TTN: variants seen among roughly 807,000 people sequenced by gnomAD.
TTN encodes the protein titin.
A neutral mutation model predicts 3,223.0 loss-of-function variants in TTN; 1,525 were observed. That is an observed-to-expected ratio of 0.47 (90% CI 0.45 to 0.49). The LOEUF (loss-of-function observed/expected upper bound fraction) is 0.49. TTN is among the 20% of genes least tolerant of loss of function. The pLI, the probability that TTN is intolerant of heterozygous loss-of-function variation, is 0.00. For synonymous variants in TTN, 14,094 were observed against 15,161.0 expected (o/e 0.93, Z 5.17); for missense variants, 40,786 against 43,424.0 (o/e 0.94, Z 5.40).
rs1294242314 is a variant in TTN at position 178,684,071 on chromosome 2, G to C, written c.32734C>G (p.Pro10912Ala). The C allele has an allele frequency of 1.2e-6, 2 of 1,610,854 alleles. No individual in the cohort carries two copies. Among genetic ancestry groups the C allele is most frequent in the Admixed American group, 1.7e-5 (1 of 59,722 alleles). Reference protein sequence around the residue: ...APPKARVPEEPKRAVPEEKVL... With the variant: ...APPKARVPEEAKRAVPEEKVL... Reference sequence around the variant, plus strand: ...TTTTCTTCTGGGACAGCTCTCTTCGGTTCCTCTGGCACTTTAAAGAGAGAT... The same window carrying C: ...TTTTCTTCTGGGACAGCTCTCTTCGCTTCCTCTGGCACTTTAAAGAGAGAT... Residue 10912 changes from proline to alanine, a missense_variant, in exon 133 of 363, where the codon CCG (proline) becomes GCG (alanine). Physicochemically the swap from Pro to Ala is conservative, Grantham distance 27 (BLOSUM62 -1). Transcript: ENST00000589042.
chr2:178,621,268 G>A lies in TTN; in HGVS notation c.45450C>T (p.Val15150=). The change falls in exon 246 of 363, where the codon GTC becomes GTT. Residue 15150 remains valine (V), a synonymous_variant. Coordinates refer to ENST00000589042, the MANE Select transcript of TTN (RefSeq NM_001267550.2). ...VCSISKESFP[V]QWKRDDKTLE... is the part of the protein sequence containing the mutation. ...GTGTCTTATCATCCCTCTTCCACTG[G>A]ACTGGAAAGCTTTCTTTTGATATAG... 6.2e-7 allele frequency: 1 copy of A among 1,612,120 alleles called. No homozygotes were observed. The highest frequency in any genetic ancestry group is 8.5e-7 in the Non-Finnish European group (1 of 1,179,080).
In TTN at chr2:178,634,697, C is replaced by G; in HGVS notation, c.42151+26G>C. On this transcript the variant is annotated intron_variant, in intron 229 of 362. Transcript: ENST00000589042. This position sits in a 1 kb window ranked among gnomAD's most constrained non-coding sequence, Gnocchi z 4.6. Reference sequence around the variant, plus strand: ...GGGAAGTGAAATAAAGTTGAGACCCCTCCCCAAATTCTAAAAGCCCCATAC... The same window carrying G: ...GGGAAGTGAAATAAAGTTGAGACCCGTCCCCAAATTCTAAAAGCCCCATAC... 1.9e-6 allele frequency: 3 copies of G among 1,612,390 alleles called. No homozygotes were observed. Among genetic ancestry groups the G allele is most frequent in the Non-Finnish European group, 2.5e-6 (3 of 1,179,276 alleles).
At chr2:178,542,976 T>C (rs1355652657) in intron 347 of TTN, 27 bp from the exon 348 acceptor site, 1 of 1,556,942 alleles carries the variant, frequency 6.4e-7, no homozygotes, top group Admixed American at 2.0e-5. Flanking sequence ...AGGCATTTAT[T>C]CTTAAGCATT....
Position 178,633,209 on chromosome 2 carries a change from C to T in TTN, c.43064G>A (p.Gly14355Glu). The change falls in exon 233 of 363, where the codon GGA becomes GAA. Residue 14355 changes from glycine to glutamate, a missense_variant. Transcript: ENST00000589042. ...TACAGGGGAAGCTGTCAAAGGCTGT[C>T]CTTTCAGCTTCCACTGGCCGTGAAC... ...PDVHGQWKLK[G>E]QPLTASPDCE... 6.2e-7 allele frequency: 1 copy of T among 1,612,918 alleles called. No individual in the cohort carries two copies. The highest frequency in any genetic ancestry group is 8.5e-7 in the Non-Finnish European group (1 of 1,179,394).
Position 178,573,054 on chromosome 2 carries a change from C to A in TTN, c.73078G>T (p.Val24360Phe). Residue 24360 changes from valine (V) to phenylalanine (F), a missense_variant, in exon 326 of 363, where the codon GTT becomes TTT. Transcript: ENST00000589042. ...DGGSEITGYM[V>F]EIALPEEDEW... ...TCTTCCTCTGGCAGGGCAATCTCAA[C>A]CATATACCCAGTGATTTCTGAACCA... is the stretch of plus-strand genomic sequence containing the variant. 7 of 1,613,228 alleles carry A rather than the reference C, an allele frequency of 4.3e-6. No individual in the cohort carries two copies. The highest frequency in any genetic ancestry group is 1.1e-5 in the South Asian group (1 of 91,068).
chr2:178,786,357 A>G (rs998281422), intron 13 of TTN, among the ~76,000 whole-genome samples: 1 of 152,230 alleles, frequency 6.6e-6, no homozygotes, highest in East Asian at 1.9e-4. Context: ...ACTTAATTAT[A>G]CTAGACATTA....
At position 178,537,782 on chromosome 2, in the gene TTN, A is replaced by G. The variant is rs1338367198; in HGVS notation, c.99425T>C (p.Ile33142Thr). Residue 33142 changes from isoleucine to threonine, a missense_variant, in exon 355 of 363, where the codon ATA (isoleucine) becomes ACA (threonine). Transcript: ENST00000589042. ...IKWYRFGKEL[I>T]QSRKYKMSSD... is the part of the protein sequence containing the mutation. Reference sequence around the variant, plus strand: ...AGACATTTTGTATTTCCGGCTTTGTATGAGCTCTTTACCAAATCTGTACCA... The same window carrying G: ...AGACATTTTGTATTTCCGGCTTTGTGTGAGCTCTTTACCAAATCTGTACCA... 6.2e-7 allele frequency: 1 copy of G among 1,613,744 alleles called. No individual in the cohort carries two copies. Among genetic ancestry groups the G allele is most frequent in the South Asian group, 1.1e-5 (1 of 91,070 alleles).
In TTN at chr2:178,670,285, C is replaced by T. The variant is rs879029141; in HGVS notation, c.35319G>A (p.Val11773=). 3.4e-6 allele frequency: 5 copies of T among 1,486,724 alleles called. No individual in the cohort carries two copies. The highest frequency in any genetic ancestry group is 4.4e-6 in the Non-Finnish European group (5 of 1,123,778). The allele number at this position is 1,486,724 out of a possible 1,614,324, so 92.1% of individuals were successfully genotyped here. A position where few individuals can be genotyped will look rare whatever the true frequency, so the allele number is the denominator to read the frequency against. ...TTTCTTCTACCACAATTTTCTTAGG[C>T]ACCTCCGGTACTTTAAAGATAATAG... ...RKEPPAKVPE[V]PKKIVVEEKV... is the part of the protein sequence containing the mutation. Residue 11773 remains valine, a synonymous_variant, in exon 157 of 363, where the codon GTG becomes GTA. Transcript: ENST00000589042.
Position 178,740,141 on chromosome 2 carries a change from C to G in TTN, c.13092G>C (p.Val4364=). ...DQIIESKREP[V]AIKKVQEVQG... ...GTACCTCCTGCACTTTCTTTATTGC[C>G]ACGGGCTCTCTTTTAGACTCAATGA... The change falls in exon 48 of 363, where the codon GTG becomes GTC. Residue 4364 remains valine (V), a synonymous_variant. Transcript: ENST00000589042. The G allele has an allele frequency of 6.2e-7, 1 of 1,613,762 alleles. No homozygotes were observed. Among genetic ancestry groups the G allele is most frequent in the Non-Finnish European group, 8.5e-7 (1 of 1,179,816 alleles).
At chr2:178,744,623 A>G in intron 47 of TTN, 1 of 944,060 alleles carries the variant, frequency 1.1e-6, no homozygotes, top group Non-Finnish European at 1.3e-6. Flanking sequence ...AAAGCTTGTT[A>G]TCTTGTTATT....
Position 178,603,874 on chromosome 2 carries a change from A to T in TTN, c.54811+2T>A. Reference sequence around the variant, plus strand: ...AGTCCCCAGAAACGGAAGCATACTTACATATGGGATCTCCTGCAACCTCTG... The same window carrying T: ...AGTCCCCAGAAACGGAAGCATACTTTCATATGGGATCTCCTGCAACCTCTG... On this transcript the variant is annotated splice_donor_variant, in intron 282 of 362. Coordinates refer to ENST00000589042, the MANE Select transcript of TTN (RefSeq NM_001267550.2). LOFTEE classifies it high-confidence loss of function. 6.4e-7 allele frequency: 1 copy of T among 1,561,254 alleles called. No homozygotes were observed. The highest frequency in any genetic ancestry group is 8.7e-7 in the Non-Finnish European group (1 of 1,144,788).
rs529418633 is a variant in TTN, at chr2:178,614,923, G to A, written c.48684C>T (p.Arg16228=). The change falls in exon 260 of 363, where the codon CGC becomes CGT. Residue 16228 remains arginine, a synonymous_variant. Coordinates refer to ENST00000589042, the MANE Select transcript of TTN (RefSeq NM_001267550.2). ...GLEEGKWYAY[R]VKALNRQGAS... ...CACCCTGCCTGTTTAAGGCCTTCACGCGGTAGGCATACCATTTGCCTTCCT... is the reference window on the plus strand; with the variant it reads ...CACCCTGCCTGTTTAAGGCCTTCACACGGTAGGCATACCATTTGCCTTCCT... 33 of 1,593,050 alleles carry A rather than the reference G, an allele frequency of 2.1e-5. No homozygotes were observed. The highest frequency in any genetic ancestry group is 8.0e-5 in the African/African-American group (6 of 74,694).
At chr2:178,709,429 T>C in intron 99 of TTN, 137 bp downstream of exon 99, 2 of 842,886 alleles carry the variant, frequency 2.4e-6, no homozygotes, top group Non-Finnish European at 3.4e-6. Flanking sequence ...ACATATGGAG[T>C]GATAAATACA....
intron 359 of TTN, chr2:178,529,434 A>G (rs1408688782): frequency 1.3e-5 from 5 of 399,232 alleles, no homozygotes; most frequent in Non-Finnish European, 2.2e-5. Flanking sequence ...AAACTGAGCC[A>G]AAGATGATTC....
rs1311507525 is a variant in TTN, at chr2:178,566,607, C to T, written c.79525G>A (p.Gly26509Ser). ...CTGCCGCCATCATAGATGGGTTTAC[C>T]CCAGGCAAGTGTGATTGAATTTTTA... ...TTKNSITLAWGKPIYDGGSEI... is the reference protein window; with the variant it reads ...TTKNSITLAWSKPIYDGGSEI... Residue 26509 changes from glycine (G) to serine (S), a missense_variant, in exon 326 of 363, where the codon GGT becomes AGT. Physicochemically the swap from Gly to Ser is moderately conservative, Grantham distance 56. Coordinates refer to ENST00000589042, the MANE Select transcript of TTN (RefSeq NM_001267550.2). 17 of 1,612,392 alleles carry T rather than the reference C, an allele frequency of 1.1e-5. No individual in the cohort carries two copies. The highest frequency in any genetic ancestry group is 1.4e-5 in the Non-Finnish European group (17 of 1,179,650).
Position 178,666,862 on chromosome 2 carries a change from G to T in TTN, c.35837C>A (p.Thr11946Asn). Residue 11946 changes from threonine (T) to asparagine (N), a missense_variant, in exon 163 of 363, where the codon ACT becomes AAT. Physicochemically the swap from Thr to Asn is moderately conservative, Grantham distance 65. Coordinates refer to ENST00000589042, the MANE Select transcript of TTN (RefSeq NM_001267550.2). ...TGTTTTTCTTCTTTTAACAATAGGA[G>T]TTTCTCCCTCTGGAATGACTTCCTT... The part of the protein sequence containing the change: ...VFKEVIPEGE[T>N]PIVKRRKTPS... 1 of 1,572,098 alleles carries T rather than the reference G, an allele frequency of 6.4e-7. No individual in the cohort carries two copies. Among genetic ancestry groups the T allele is most frequent in the East Asian group, 2.3e-5 (1 of 43,418 alleles).
Position 178,767,997 on chromosome 2 carries a change from A to G in TTN, c.9305+17T>C, listed in dbSNP as rs1553990405. ...AAACTGGGAATTACTGGAATGTAGC[A>G]AGACAAAACAACTGACCTGTCTGTG... On this transcript the variant is annotated intron_variant, in intron 39 of 362. Transcript: ENST00000589042. The G allele has an allele frequency of 6.2e-7, 1 of 1,614,118 alleles. No homozygotes were observed. The highest frequency in any genetic ancestry group is 8.5e-7 in the Non-Finnish European group (1 of 1,179,992).
rs769942168 is a variant in TTN, at chr2:178,561,461, A to G, written c.84671T>C (p.Met28224Thr). The G allele has an allele frequency of 6.2e-6, 10 of 1,613,696 alleles. No individual in the cohort carries two copies. The highest frequency in any genetic ancestry group is 1.3e-5 in the African/African-American group (1 of 74,936). Reference protein sequence around the residue: ...MKVSGLDEGLMYEYRVYAENI... With the variant: ...MKVSGLDEGLTYEYRVYAENI... ...TTCAGCATATACACGATACTCATAC[A>G]TCAGTCCTTCATCAAGGCCGGAGAC... The change falls in exon 326 of 363, where the codon ATG (methionine) becomes ACG (threonine). Residue 28224 changes from methionine to threonine, a missense_variant. Met to Thr is a moderately conservative substitution (Grantham distance 81). Transcript: ENST00000589042.
At chr2:178,718,276 G>T in intron 85 of TTN, 46 bp downstream of exon 85, 1 of 1,597,400 alleles carries the variant, frequency 6.3e-7, no homozygotes, top group Non-Finnish European at 8.5e-7. Context: ...AAAAGAGGAT[G>T]TTTGAAAAGA....
Sources: allele counts gnomAD v4.1 joint callset (sites outside exome capture counted in the v4.1 genomes callset), GRCh38; gene constraint gnomAD v4.1.1; non-coding constraint Gnocchi (gnomAD v3.1); transcripts MANE v1.5; gene names NCBI Gene and HGNC (gene_info 2026-07-23, HGNC 2026-07-21).